STXBP6: variants seen among roughly 807,000 people sequenced by gnomAD.
STXBP6 encodes syntaxin binding protein 6.
A neutral mutation model predicts 26.9 loss-of-function variants in STXBP6; 21 were observed. That is an observed-to-expected ratio of 0.78 (90% CI 0.55 to 1.12). STXBP6 has a LOEUF of 1.12. STXBP6 is among the 50% of genes most tolerant of loss of function. The pLI is 0.00. For synonymous variants in STXBP6, 97 were observed against 92.6 expected (o/e 1.05, Z -0.27); for missense variants, 232 against 257.9 (o/e 0.90, Z 0.69).
chr14:24,938,485 A>G (rs1365522532), intron 2 of STXBP6, among the ~76,000 whole-genome samples: 2 of 152,002 alleles, frequency 1.3e-5, no homozygotes, highest in African/African-American at 2.4e-5. Context: ...CACTGCCCCT[A>G]TAATAATTTC....
At chr14:24,946,956 G>A (rs2073012842) in intron 2 of STXBP6, among the ~76,000 whole-genome samples, 1 of 152,140 alleles carries the variant, frequency 6.6e-6, no homozygotes, top group Non-Finnish European at 1.5e-5. Context: ...TGGATGACAA[G>A]ACTGGAGCTT....
chr14:24,935,365 A>G (rs747531522), intron 2 of STXBP6, among the ~76,000 whole-genome samples: 9 of 152,216 alleles, frequency 5.9e-5, no homozygotes, highest in South Asian at 2.1e-4. Context: ...TGAAGTTAAG[A>G]GAAGTGTCAA....
chr14:24,942,403 G>T (rs747209619), intron 2 of STXBP6, among the ~76,000 whole-genome samples: 30 of 152,292 alleles, frequency 2.0e-4, no homozygotes, highest in Non-Finnish European at 3.5e-4. Context: ...CAGACTACCT[G>T]GAAAGAGTTC....
intron 2 of STXBP6, among the ~76,000 whole-genome samples, chr14:24,881,792 C>T (rs956551743): frequency 2.6e-5 from 4 of 152,082 alleles, no homozygotes; most frequent in African/African-American, 9.7e-5. Flanking sequence ...AATGTAGCTG[C>T]CAAAAGGGTG....
At chr14:24,843,843 T>G (rs1376283707) in intron 4 of STXBP6, among the ~76,000 whole-genome samples, 1 of 152,194 alleles carries the variant, frequency 6.6e-6, no homozygotes, top group Non-Finnish European at 1.5e-5. Context: ...ACAGAGCTCC[T>G]AAAACCCTTG....
chr14:24,847,816 T>C (rs930167298), intron 4 of STXBP6, among the ~76,000 whole-genome samples: 2 of 152,204 alleles, frequency 1.3e-5, no homozygotes, highest in Non-Finnish European at 2.9e-5. Flanking sequence ...TGCCCTGATC[T>C]CTGGCACAGT....
chr14:25,019,345 T>G (rs539147216), intron 1 of STXBP6, among the ~76,000 whole-genome samples: 58 of 152,242 alleles, frequency 3.8e-4, no homozygotes, highest in Non-Finnish European at 7.2e-4. Flanking sequence ...TTGGGAATAG[T>G]TTGAGAAAAA....
At chr14:24,828,525 AATGT>A (rs1312002144) in intron 4 of STXBP6, among the ~76,000 whole-genome samples, 4 of 152,194 alleles carry the variant, frequency 2.6e-5, no homozygotes, top group Non-Finnish European at 5.9e-5. Context: ...TCTACATACC[AATGT>A]ATGTATTTGT....
At chr14:24,838,501 C>T (rs1015420652) in intron 4 of STXBP6, among the ~76,000 whole-genome samples, 1 of 151,768 alleles carries the variant, frequency 6.6e-6, no homozygotes, top group South Asian at 2.1e-4. Context: ...CTGGCCAATA[C>T]GGTGAAACCC....
At chr14:25,048,725 C>A (rs1347942459) in intron 1 of STXBP6, among the ~76,000 whole-genome samples, 1 of 152,220 alleles carries the variant, frequency 6.6e-6, no homozygotes, top group Admixed American at 6.5e-5. Context: ...AGCTCACAGC[C>A]TCGGCTGAAG....
intron 2 of STXBP6, among the ~76,000 whole-genome samples, chr14:24,939,465 T>A (rs2072724112): frequency 6.6e-6 from 1 of 152,142 alleles, no homozygotes; most frequent in East Asian, 1.9e-4. Context: ...CATTACCTTT[T>A]TTTTTTTTTT....
At chr14:24,949,938 A>C (rs1306874795) in intron 2 of STXBP6, among the ~76,000 whole-genome samples, 1 of 152,116 alleles carries the variant, frequency 6.6e-6, no homozygotes, top group Non-Finnish European at 1.5e-5. Context: ...TTTTCTGTAC[A>C]TCACTTTCCC....
intron 1 of STXBP6, among the ~76,000 whole-genome samples, chr14:24,985,769 C>T (rs2074315248): frequency 6.6e-6 from 1 of 152,224 alleles, no homozygotes; most frequent in South Asian, 2.1e-4. Context: ...ACACCAGCAG[C>T]TTACACCTCA....
Position 25,049,410 on chromosome 14 carries a change from C to T in STXBP6, c.-33+468G>A. On this transcript the variant is annotated intron_variant, in intron 1 of 5. Transcript: ENST00000323944. The surrounding 1 kb of genome is among the most constrained non-coding windows in gnomAD (Gnocchi z 5.6). The stretch of plus-strand genomic sequence containing the variant: ...GCAGTAATGATTTTCCTAGAAGATG[C>T]CAGAGTTCGCGAAGATCGGAGTGAT... The T allele has an allele frequency of 1.0e-6, 1 of 985,400 alleles. No individual in the cohort carries two copies. The highest frequency in any genetic ancestry group is 1.2e-6 in the Non-Finnish European group (1 of 829,940). The allele number at this position is 985,400 out of a possible 1,614,324, so 61.0% of individuals were successfully genotyped here.
chr14:24,902,474 G>A (rs1283674853), intron 2 of STXBP6, among the ~76,000 whole-genome samples: 1 of 152,134 alleles, frequency 6.6e-6, no homozygotes, highest in Non-Finnish European at 1.5e-5. Flanking sequence ...TTTGAGACTT[G>A]AGACTTATTA....
chr14:24,895,673 T>C (rs1458694192), intron 2 of STXBP6, among the ~76,000 whole-genome samples: 1 of 152,204 alleles, frequency 6.6e-6, no homozygotes, highest in Non-Finnish European at 1.5e-5. Context: ...AGGGTAGGGC[T>C]TCCATTATAA....
chr14:24,947,269 G>A (rs1354252873), intron 2 of STXBP6, among the ~76,000 whole-genome samples: 1 of 152,172 alleles, frequency 6.6e-6, no homozygotes, highest in African/African-American at 2.4e-5. Context: ...GTTTGAATAA[G>A]AAGCTGTGGC....
intron 2 of STXBP6, among the ~76,000 whole-genome samples, chr14:24,894,759 C>G (rs568030663): frequency 6.6e-6 from 1 of 152,208 alleles, no homozygotes; most frequent in Non-Finnish European, 1.5e-5. Flanking sequence ...CTAAGGAACT[C>G]TTGCATTGTG....
chr14:24,821,641 A>G (rs2068138251), intron 4 of STXBP6, among the ~76,000 whole-genome samples: 1 of 152,222 alleles, frequency 6.6e-6, no homozygotes, highest in South Asian at 2.1e-4. Flanking sequence ...TTTTAGGCAC[A>G]GTGAAGTCCC....
Sources: gnomAD v4.1 joint callset for allele counts (sites outside exome capture counted in the v4.1 genomes callset) on GRCh38, gnomAD v4.1.1 for gene constraint, Gnocchi (gnomAD v3.1) non-coding constraint, MANE v1.5 for transcripts, NCBI Gene and HGNC (gene_info 2026-07-23, HGNC 2026-07-21) for gene names.